MARCO: variants seen among roughly 807,000 people sequenced by gnomAD.
MARCO encodes macrophage receptor with collagenous structure.
Under a neutral mutation model 70.0 loss-of-function variants are expected in MARCO, and 72 were observed. The observed-to-expected ratio is 1.03, with a 90% CI of 0.85 to 1.25. MARCO has a LOEUF of 1.25. Among genes scored for constraint, MARCO ranks in the 50% most tolerant of loss-of-function variants. The pLI, the probability that MARCO is intolerant of heterozygous loss-of-function variation, is 0.00. For synonymous variants in MARCO, 273 were observed against 243.1 expected, an observed-to-expected ratio of 1.12 and a Z score of -1.14; for missense variants, 696 against 659.3, an observed-to-expected ratio of 1.06 and a Z score of -0.61.
intron 14 of MARCO, 97 bp from the exon 15 acceptor site, chr2:118,992,335 C>A: frequency 3.0e-6 from 3 of 988,520 alleles, no homozygotes; most frequent in South Asian, 1.4e-5. Flanking sequence ...CATCTGACCA[C>A]TCCCAACCCT....
chr2:118,971,315 T>C (rs533216368), intron 3 of MARCO, among the ~76,000 whole-genome samples, 184 bp from the exon 4 acceptor site: 1 of 152,242 alleles, frequency 6.6e-6, no homozygotes. Context: ...TCTGGCTCTT[T>C]CCAAGGACTC....
chr2:118,945,296 G>A (rs1382560126), intron 1 of MARCO, among the ~76,000 whole-genome samples: 1 of 151,894 alleles, frequency 6.6e-6, no homozygotes, highest in African/African-American at 2.4e-5. Flanking sequence ...TAGGCTTCCT[G>A]TCACACTCCT....
Position 118,991,869 on chromosome 2 carries a change from G to A in MARCO, c.1201G>A (p.Val401Met). 2.5e-6 allele frequency: 4 copies of A among 1,593,952 alleles called. No individual in the cohort carries two copies. Among genetic ancestry groups the A allele is most frequent in the Non-Finnish European group, 3.4e-6 (4 of 1,170,868 alleles). Reference protein sequence around the residue: ...GQAGQKGDQGVKGSSGEQGVK... With the variant: ...GQAGQKGDQGMKGSSGEQGVK... ...AGCTGGCCAGAAGGGAGACCAGGGA[G>A]TGAAAGGTAAGGCCTCTGCATCTGA... Residue 401 changes from valine (V) to methionine (M), a missense_variant, in exon 14 of 17, where the codon GTG becomes ATG. By Grantham distance (21) the Val-to-Met change is conservative. This residue lies in a region of MARCO where 605 missense variants were observed against 537.6 expected (regional missense o/e 1.13). Coordinates refer to ENST00000327097, the MANE Select transcript of MARCO (RefSeq NM_006770.4).
Position 118,994,418 on chromosome 2 carries a change from GT to G in MARCO, c.1462del (p.Cys488ValfsTer58). On this transcript the variant is annotated frameshift_variant, in exon 17 of 17. Coordinates refer to ENST00000327097, the MANE Select transcript of MARCO (RefSeq NM_006770.4). LOFTEE classifies it low-confidence loss of function (END_TRUNC). ...GGCAGATCTGGCTGGATAATGTTCA[GT>G]GTCGGGGCACGGAGAGTACCCTGTG... ...TGQIWLDNVQ[C>X]RGTESTLWSC... The G allele has an allele frequency of 3.1e-6, 5 of 1,614,208 alleles. No homozygotes were observed. The highest frequency in any genetic ancestry group is 4.2e-6 in the Non-Finnish European group (5 of 1,180,044).
At chr2:118,952,388 G>A (rs563389658) in intron 1 of MARCO, among the ~76,000 whole-genome samples, 167 of 152,224 alleles carry the variant, frequency 1.1e-3, no homozygotes, top group Middle Eastern at 0.01. Context: ...TAGTGTTGGC[G>A]TGCAGGTATA....
At chr2:118,963,932 T>A (rs1679995809) in intron 1 of MARCO, among the ~76,000 whole-genome samples, 1 of 152,210 alleles carries the variant, frequency 6.6e-6, no homozygotes, top group African/African-American at 2.4e-5. Flanking sequence ...CATTCATGTA[T>A]TTCTCTTTTC....
chr2:118,989,363 A>G (rs998407702), intron 12 of MARCO, among the ~76,000 whole-genome samples: 2 of 152,076 alleles, frequency 1.3e-5, no homozygotes, highest in Non-Finnish European at 2.9e-5. Flanking sequence ...CCTTTCCCTA[A>G]CACGAGGAAC....
rs539618033 is a variant in MARCO, at chr2:118,950,454, C to CA, written c.97+8061dup. ...TCAAAACTTGCTTAAACCTTCAAAA[C>CA]AAAATTTTTTTAACCTTTTAATGTA... On this transcript the variant is annotated intron_variant, in intron 1 of 16. Coordinates refer to ENST00000327097, the MANE Select transcript of MARCO (RefSeq NM_006770.4). Among the ~76,000 whole-genome samples the CA allele has an allele frequency of 2.4e-3, 288 of 121,460 alleles. 1 individual carries two copies. Among genetic ancestry groups the CA allele is most frequent in the African/African-American group, 0.013 (278 of 21,084 alleles). 79.7% of individuals were successfully genotyped at this position (121,460 alleles called of 152,430 possible). A position where few individuals can be genotyped will look rare whatever the true frequency, so the allele number is the denominator to read the frequency against.
intron 1 of MARCO, among the ~76,000 whole-genome samples, 164 bp downstream of exon 1, chr2:118,942,561 T>G (rs1303695638): frequency 2.6e-5 from 4 of 152,234 alleles, no homozygotes; most frequent in Non-Finnish European, 2.9e-5. Flanking sequence ...TTGGAATTTC[T>G]GGAATGCTAA....
intron 1 of MARCO, among the ~76,000 whole-genome samples, chr2:118,961,147 C>T (rs961469742): frequency 6.6e-6 from 1 of 152,056 alleles, no homozygotes; most frequent in African/African-American, 2.4e-5. Context: ...CATTGATGGA[C>T]GTTTGGGTTG....
At position 118,969,170 on chromosome 2, in the gene MARCO, C is replaced by T; in HGVS notation, c.108C>T (p.Pro36=). 6.2e-7 allele frequency: 1 copy of T among 1,613,622 alleles called. No homozygotes were observed. The highest frequency in any genetic ancestry group is 1.1e-5 in the South Asian group (1 of 91,078). Residue 36 remains proline (P), a synonymous_variant, in exon 2 of 17, where the codon CCC becomes CCT. Coordinates refer to ENST00000327097, the MANE Select transcript of MARCO (RefSeq NM_006770.4). The part of the protein sequence containing the change: ...MEPFEINVPK[P]KRRNGVNFSL... ...TGGCTTGTGTTTCAGTTCCAAAGCC[C>T]AAGAGGAGAAATGGGGTGAACTTCT...
intron 7 of MARCO, 117 bp from the exon 8 acceptor site, chr2:118,977,711 G>C: frequency 2.3e-6 from 2 of 873,070 alleles, no homozygotes; most frequent in Non-Finnish European, 3.6e-6. Flanking sequence ...ACATCCCCCA[G>C]AGGAAATCTG....
intron 10 of MARCO, 78 bp downstream of exon 10, chr2:118,981,734 C>A: frequency 1.4e-6 from 2 of 1,383,420 alleles, no homozygotes; most frequent in Non-Finnish European, 2.0e-6. Flanking sequence ...CAGACACCAC[C>A]ATCTTTTGCT....
chr2:118,971,424 C>A lies in MARCO; in HGVS notation c.425-75C>A, dbSNP rs145555929. On this transcript the variant is annotated intron_variant, in intron 3 of 16. Coordinates refer to ENST00000327097, the MANE Select transcript of MARCO (RefSeq NM_006770.4). ...AGGGCTTACCCTCCCACTGCAGAAC[C>A]TGGGCACTCTCAGTTGGGGCTTGGG... is the stretch of plus-strand genomic sequence containing the variant. 1.0e-4 allele frequency: 146 copies of A among 1,446,712 alleles called. No individual in the cohort carries two copies. The African/African-American group carries it at 1.9e-3, about 19-fold the overall frequency. The allele number at this position is 1,446,712 out of a possible 1,614,324, so 89.6% of individuals were successfully genotyped here.
intron 1 of MARCO, among the ~76,000 whole-genome samples, chr2:118,953,882 A>G (rs1046535137): frequency 1.1e-4 from 16 of 152,174 alleles, no homozygotes; most frequent in African/African-American, 3.9e-4. Context: ...CAAGTGAAAT[A>G]CAGGGGTGGG....
rs374398161 is a variant in MARCO, at chr2:118,977,938, G to A, written c.766+3G>A. 47 of 1,588,256 alleles carry A rather than the reference G, an allele frequency of 3.0e-5. No homozygotes were observed. The African/African-American group carries it at 6.2e-4, about 21-fold the overall frequency. On this transcript the variant is annotated splice_donor_region_variant and intron_variant, in intron 8 of 16. Transcript: ENST00000327097. The stretch of plus-strand genomic sequence containing the variant: ...GAAAGGAGACCTGGGTCTCCCAGGT[G>A]AGGGCCGTATTGGGGGTGTCGGTGC...
At chr2:118,981,011 G>T (rs1216624106) in intron 8 of MARCO, among the ~76,000 whole-genome samples, 2 of 152,192 alleles carry the variant, frequency 1.3e-5, no homozygotes, top group African/African-American at 4.8e-5. Flanking sequence ...TGATGCCTCA[G>T]AGTTGCTATT....
rs1188153677 is a variant in MARCO at position 118,988,907 on chromosome 2, C to T, written c.1064-1682C>T. On this transcript the variant is annotated intron_variant, in intron 12 of 16. Transcript: ENST00000327097. ...TGTTACATCATTTATTCAGCACTGG[C>T]TGGGCACCGGGCTCAGCGCTTGATA... Among the ~76,000 whole-genome samples, 3 of 152,164 alleles carry T rather than the reference C, an allele frequency of 2.0e-5. No homozygotes were observed. The East Asian group carries it at 5.8e-4, about 29-fold the overall frequency.
intron 1 of MARCO, among the ~76,000 whole-genome samples, chr2:118,951,589 G>T (rs1037189727): frequency 6.6e-6 from 1 of 152,232 alleles, no homozygotes; most frequent in African/African-American, 2.4e-5. Flanking sequence ...ACTGGGTTAA[G>T]GATTTTTTAT....
Sources: allele counts gnomAD v4.1 joint callset (sites outside exome capture counted in the v4.1 genomes callset), GRCh38; gene constraint gnomAD v4.1.1; regional missense constraint gnomAD v4.1.1; transcripts MANE v1.5; gene names NCBI Gene and HGNC (gene_info 2026-07-23, HGNC 2026-07-21).